The following HTR1F variants were observed in gnomAD, a reference collection of about 807,000 sequenced individuals.
HTR1F encodes the protein 5-hydroxytryptamine (serotonin) receptor 1F, G protein-coupled.
HTR1F carries 17 observed loss-of-function variants against 24.0 expected under a neutral mutation model. The observed-to-expected ratio is 0.71, with a 90% CI of 0.48 to 1.06. The LOEUF (loss-of-function observed/expected upper bound fraction) is 1.06, where lower values mean the gene tolerates loss of function less well. Among genes scored for constraint, HTR1F ranks in the 50% least tolerant of loss-of-function variants. The pLI is 0.00. For missense variants in HTR1F, 391 were observed against 427.8 expected, an observed-to-expected ratio of 0.91 and a Z score of 0.76; for synonymous variants, 186 against 156.8, an observed-to-expected ratio of 1.19 and a Z score of -1.39.
intron 2 of HTR1F, among the ~76,000 whole-genome samples, chr3:87,850,936 A>G (rs1178822308): frequency 6.6e-6 from 1 of 151,534 alleles, no homozygotes; most frequent in Non-Finnish European, 1.5e-5. Flanking sequence ...TAAATTTTCT[A>G]TAGTTGTCTA....
At chr3:87,989,007 C>T (rs1362897065) in intron 2 of HTR1F, among the ~76,000 whole-genome samples, 1 of 152,022 alleles carries the variant, frequency 6.6e-6, no homozygotes, top group Non-Finnish European at 1.5e-5. Flanking sequence ...AACAGAACTA[C>T]GTTAACATTA....
At chr3:87,944,617 G>A (rs937306211) in intron 2 of HTR1F, among the ~76,000 whole-genome samples, 1 of 152,184 alleles carries the variant, frequency 6.6e-6, no homozygotes. Context: ...AATTATCAGT[G>A]GTTGGTGTTA....
At chr3:87,816,547 C>T (rs1704254154) in intron 1 of HTR1F, among the ~76,000 whole-genome samples, 2 of 152,056 alleles carry the variant, frequency 1.3e-5, no homozygotes, top group African/African-American at 4.8e-5. Flanking sequence ...TTTCTCAACT[C>T]AGAAGTACTT....
At chr3:87,835,297 C>CT (rs1704660699) in intron 2 of HTR1F, among the ~76,000 whole-genome samples, 1 of 146,876 alleles carries the variant, frequency 6.8e-6, no homozygotes. Flanking sequence ...AACCCAACCC[C>CT]ACCCCCAGGG....
chr3:87,822,080 G>A lies in HTR1F; in HGVS notation c.-87G>A, dbSNP rs1344548583. On this transcript the variant is annotated 5_prime_UTR_variant, in exon 2 of 3. Transcript: ENST00000319595. Reference sequence around the variant, plus strand: ...TCTCAAAAGAACAGGAACATGAGGAGACGAAATGGTGATGAAAACCCACAA... The same window carrying A: ...TCTCAAAAGAACAGGAACATGAGGAAACGAAATGGTGATGAAAACCCACAA... Among the ~76,000 whole-genome samples the A allele has an allele frequency of 1.3e-5, 2 of 152,002 alleles. No individual in the cohort carries two copies. The highest frequency in any genetic ancestry group is 2.9e-5 in the Non-Finnish European group (2 of 68,014).
chr3:87,868,880 G>T (rs1705482666), intron 2 of HTR1F, among the ~76,000 whole-genome samples: 1 of 151,906 alleles, frequency 6.6e-6, no homozygotes, highest in Non-Finnish European at 1.5e-5. Flanking sequence ...TGAACATTAT[G>T]CAGTCTTGAC....
intron 1 of HTR1F, among the ~76,000 whole-genome samples, chr3:87,805,744 G>A (rs536830442): frequency 1.6e-4 from 24 of 151,990 alleles, no homozygotes; most frequent in African/African-American, 3.9e-4. Flanking sequence ...AAACCACTAC[G>A]GCACACGTTT....
intron 2 of HTR1F, among the ~76,000 whole-genome samples, chr3:87,964,343 T>C (rs1201538107): frequency 6.6e-6 from 1 of 152,136 alleles, no homozygotes; most frequent in East Asian, 1.9e-4. Flanking sequence ...CCAATAAAAA[T>C]AAGCAACATG....
intron 2 of HTR1F, among the ~76,000 whole-genome samples, chr3:87,972,471 T>A (rs1450003143): frequency 6.6e-6 from 1 of 152,216 alleles, no homozygotes; most frequent in East Asian, 1.9e-4. Flanking sequence ...TGACTACAGA[T>A]GCACAAGGTT....
intron 2 of HTR1F, among the ~76,000 whole-genome samples, chr3:87,977,306 G>T (rs1419909326): frequency 6.6e-6 from 1 of 151,460 alleles, no homozygotes; most frequent in African/African-American, 2.4e-5. Context: ...TAGAAGCCAG[G>T]TACCTAACAG....
At chr3:87,823,557 C>T (rs1704402847) in intron 2 of HTR1F, among the ~76,000 whole-genome samples, 5 of 149,896 alleles carry the variant, frequency 3.3e-5, no homozygotes, top group Admixed American at 1.3e-4. Flanking sequence ...TGCTTTTACC[C>T]AGGCTGGGCT....
intron 2 of HTR1F, among the ~76,000 whole-genome samples, chr3:87,830,929 G>A (rs1465121188): frequency 1.3e-5 from 2 of 152,274 alleles, no homozygotes; most frequent in East Asian, 3.9e-4. Context: ...GATATTTGAA[G>A]TAGAAATTAG....
intron 2 of HTR1F, among the ~76,000 whole-genome samples, chr3:87,905,480 A>T (rs1354857425): frequency 6.6e-6 from 1 of 152,068 alleles, no homozygotes; most frequent in South Asian, 2.1e-4. Context: ...TTTCCTCATG[A>T]GTATATAGGT....
chr3:87,817,322 G>A (rs1330972473), intron 1 of HTR1F, among the ~76,000 whole-genome samples: 1 of 152,066 alleles, frequency 6.6e-6, no homozygotes, highest in Non-Finnish European at 1.5e-5. Context: ...CTTGAAAGAT[G>A]ATAAGTACAT....
intron 2 of HTR1F, among the ~76,000 whole-genome samples, chr3:87,919,777 A>G (rs1444005507): frequency 6.6e-6 from 1 of 152,062 alleles, no homozygotes; most frequent in Non-Finnish European, 1.5e-5. Flanking sequence ...GTGGGAATAT[A>G]AACTATTACA....
intron 2 of HTR1F, among the ~76,000 whole-genome samples, chr3:87,826,104 A>G (rs1163861875): frequency 6.6e-6 from 1 of 152,220 alleles, no homozygotes; most frequent in African/African-American, 2.4e-5. Flanking sequence ...TACCACTTCT[A>G]GGCACCATTG....
chr3:87,851,925 A>G (rs1445547707), intron 2 of HTR1F, among the ~76,000 whole-genome samples: 5 of 151,182 alleles, frequency 3.3e-5, no homozygotes, highest in Non-Finnish European at 5.9e-5. Context: ...ATAACAGTTT[A>G]ATTTACTTTG....
At chr3:87,802,350 C>CT (rs1331292410) in intron 1 of HTR1F, among the ~76,000 whole-genome samples, 1 of 125,512 alleles carries the variant, frequency 8.0e-6, no homozygotes, top group Non-Finnish European at 1.6e-5. Context: ...TCTCTTTCTT[C>CT]TTTTTTTTGA....
At chr3:87,855,251 C>A (rs1311228316) in intron 2 of HTR1F, among the ~76,000 whole-genome samples, 1 of 152,018 alleles carries the variant, frequency 6.6e-6, no homozygotes, top group African/African-American at 2.4e-5. Context: ...CAATTTAGTT[C>A]TCACCTGTTT....
Sources: gnomAD v4.1 joint callset for allele counts (sites outside exome capture counted in the v4.1 genomes callset) on GRCh38, gnomAD v4.1.1 for gene constraint, MANE v1.5 for transcripts, NCBI Gene and HGNC (gene_info 2026-07-23, HGNC 2026-07-21) for gene names.